The following PKHD1L1 variants were observed in gnomAD, a reference collection of about 807,000 sequenced individuals.
PKHD1L1 encodes the protein PKHD1 like 1, also known as fibrocystin-L.
PKHD1L1 carries 434 observed loss-of-function variants against 462.9 expected under a neutral mutation model. That is an observed-to-expected ratio of 0.94 (90% CI 0.87 to 1.02). PKHD1L1 has a LOEUF of 1.02. PKHD1L1 is among the 50% of genes least tolerant of loss of function. The pLI is 0.00. For synonymous variants in PKHD1L1, 1,781 were observed against 1,750.0 expected (o/e 1.02, Z -0.44); for missense variants, 5,202 against 5,096.1 (o/e 1.02, Z -0.63).
intron 47 of PKHD1L1, among the ~76,000 whole-genome samples, chr8:109,461,024 AAACCC>A: frequency 6.6e-6 from 1 of 152,324 alleles, no homozygotes; most frequent in East Asian, 1.9e-4. Context: ...AGTTAGTGCA[AAACCC>A]ATATACCCAG....
intron 59 of PKHD1L1, among the ~76,000 whole-genome samples, chr8:109,488,370 A>G (rs1447313788): frequency 3.9e-5 from 6 of 152,106 alleles, no homozygotes; most frequent in Middle Eastern, 3.4e-3. Context: ...AGAATGCTCC[A>G]TTATTGACTT....
At chr8:109,411,906 G>T (rs1813876483) in intron 19 of PKHD1L1, among the ~76,000 whole-genome samples, 1 of 152,026 alleles carries the variant, frequency 6.6e-6, no homozygotes, top group Non-Finnish European at 1.5e-5. Context: ...GGGGGATAGG[G>T]TTCTTCACCA....
chr8:109,489,432 C>A (rs1453072864), intron 59 of PKHD1L1, among the ~76,000 whole-genome samples: 1 of 151,882 alleles, frequency 6.6e-6, no homozygotes, highest in Non-Finnish European at 1.5e-5. Context: ...TAAAATTACC[C>A]TTTGTCACCT....
Position 109,445,066 on chromosome 8 carries a change from G to C in PKHD1L1, c.5197G>C (p.Ala1733Pro), listed in dbSNP as rs544463896. ...DVDLLIHGVP[A>P]QCQGNCTFSY... ...AGATCTTCTAATACATGGAGTGCCT[G>C]CCCAGTGCCAGGGAAACTGCACCTT... is the stretch of plus-strand genomic sequence containing the variant. Residue 1733 changes from alanine to proline, a missense_variant, in exon 38 of 78, where the codon GCC (alanine) becomes CCC (proline). Transcript: ENST00000378402. 35 of 1,613,692 alleles carry C rather than the reference G, an allele frequency of 2.2e-5. No individual in the cohort carries two copies. Among genetic ancestry groups the C allele is most frequent in the Admixed American group, 3.3e-5 (2 of 59,976 alleles).
At chr8:109,421,430 T>G (rs976498289) in intron 23 of PKHD1L1, among the ~76,000 whole-genome samples, 2 of 152,168 alleles carry the variant, frequency 1.3e-5, no homozygotes, top group Non-Finnish European at 2.9e-5. Flanking sequence ...AGTCTTAATA[T>G]CTTCCAGATT....
chr8:109,382,687 C>G, intron 4 of PKHD1L1, 116 bp downstream of exon 4: 1 of 611,242 alleles, frequency 1.6e-6, no homozygotes, highest in East Asian at 3.2e-5. Context: ...AATACATTAG[C>G]ATGTAACAAA....
chr8:109,496,805 G>C, intron 63 of PKHD1L1, 114 bp from the exon 64 acceptor site: 1 of 1,119,410 alleles, frequency 8.9e-7, no homozygotes, highest in Non-Finnish European at 1.3e-6. Flanking sequence ...CCTGATATCA[G>C]AATTATGTAT....
chr8:109,515,164 T>A lies in PKHD1L1; in HGVS notation c.11554-6T>A, dbSNP rs374182799. On this transcript the variant is annotated splice_polypyrimidine_tract_variant and splice_region_variant and intron_variant, in intron 71 of 77. Transcript: ENST00000378402. ...TGCTTTCTTAAAACTTTTTTTTCTT[T>A]AATAGGCTGTTCTAGTAGGAATTTT... 1.0e-4 allele frequency: 159 copies of A among 1,563,418 alleles called. 2 individuals carry two copies. In the African/African-American group the frequency reaches 2.0e-3, roughly 20 times the overall value.
At chr8:109,460,227 T>G (rs1817043789) in intron 47 of PKHD1L1, among the ~76,000 whole-genome samples, 1 of 152,164 alleles carries the variant, frequency 6.6e-6, no homozygotes, top group Non-Finnish European at 1.5e-5. Context: ...ATTATTTATA[T>G]TTACTCAGAA....
chr8:109,401,299 A>G (rs1426767254), intron 13 of PKHD1L1, among the ~76,000 whole-genome samples, 198 bp from the exon 14 acceptor site: 2 of 148,584 alleles, frequency 1.3e-5, no homozygotes, highest in Non-Finnish European at 3.0e-5. Flanking sequence ...GGTAGAAGGA[A>G]TGAAGTGAAC....
At chr8:109,522,717 A>G (rs766028837) in intron 74 of PKHD1L1, 27 bp from the exon 75 acceptor site, 2 of 1,579,516 alleles carry the variant, frequency 1.3e-6, no homozygotes, top group African/African-American at 2.7e-5. Flanking sequence ...TCATGAAGAA[A>G]CCAGTTCATC....
chr8:109,503,714 C>T lies in PKHD1L1; in HGVS notation c.10829-613C>T, dbSNP rs574303848. 5.9e-5 allele frequency among the ~76,000 whole-genome samples: 9 copies of T among 152,256 alleles called. No individual in the cohort carries two copies. The South Asian group carries it at 1.9e-3, about 32-fold the overall frequency. On this transcript the variant is annotated intron_variant, in intron 67 of 77. Coordinates refer to ENST00000378402, the MANE Select transcript of PKHD1L1 (RefSeq NM_177531.6). Reference sequence around the variant, plus strand: ...TTTATCTTAGCTGGATAACAAACAACCCCCCAAATTTAGAGACTTTAAACA... The same window carrying T: ...TTTATCTTAGCTGGATAACAAACAATCCCCCAAATTTAGAGACTTTAAACA...
At chr8:109,459,912 C>G (rs1817027181) in intron 47 of PKHD1L1, 76 bp downstream of exon 47, 3 of 1,251,582 alleles carry the variant, frequency 2.4e-6, no homozygotes, top group Non-Finnish European at 3.2e-6. Flanking sequence ...TATTGAAATA[C>G]ATTATTTCAA....
intron 71 of PKHD1L1, among the ~76,000 whole-genome samples, chr8:109,514,205 G>C (rs1820146873): frequency 6.6e-6 from 1 of 152,002 alleles, no homozygotes; most frequent in Admixed American, 6.6e-5. Flanking sequence ...TCCCTAAGTG[G>C]CTAAAGTTCC....
chr8:109,490,147 G>T (rs1265951851), intron 60 of PKHD1L1, 92 bp downstream of exon 60: 3 of 769,592 alleles, frequency 3.9e-6, no homozygotes, highest in Non-Finnish European at 6.1e-6. Flanking sequence ...TCTTATATTA[G>T]CTAAAATTAT....
chr8:109,366,596 G>A (rs975334268), intron 2 of PKHD1L1, among the ~76,000 whole-genome samples: 2 of 151,822 alleles, frequency 1.3e-5, no homozygotes, highest in African/African-American at 4.8e-5. Flanking sequence ...GGAAAATCTT[G>A]TTACATATTC....
At chr8:109,370,886 A>C (rs1811470961) in intron 2 of PKHD1L1, among the ~76,000 whole-genome samples, 1 of 152,022 alleles carries the variant, frequency 6.6e-6, no homozygotes, top group Admixed American at 6.6e-5. Flanking sequence ...TATGTGCCAC[A>C]TTTTCTTAAT....
intron 67 of PKHD1L1, among the ~76,000 whole-genome samples, chr8:109,503,314 A>G (rs1367145850): frequency 3.8e-5 from 3 of 78,240 alleles, no homozygotes; most frequent in African/African-American, 1.7e-4. Context: ...ACAAAAACAA[A>G]CAAAAAAAAA....
intron 2 of PKHD1L1, among the ~76,000 whole-genome samples, chr8:109,378,633 G>T (rs761468474): frequency 6.6e-6 from 1 of 152,154 alleles, no homozygotes; most frequent in East Asian, 1.9e-4. Flanking sequence ...AGTCATAAAT[G>T]CTGCAAAGTG....
Sources: gnomAD v4.1 joint callset for allele counts (sites outside exome capture counted in the v4.1 genomes callset) on GRCh38, gnomAD v4.1.1 for gene constraint, MANE v1.5 for transcripts, NCBI Gene and HGNC (gene_info 2026-07-23, HGNC 2026-07-21) for gene names.